Variants in PDIA3 observed in about 807,000 individuals in gnomAD.
PDIA3 encodes protein disulfide isomerase family A member 3.
A neutral mutation model predicts 56.9 loss-of-function variants in PDIA3; 16 were observed. That is an observed-to-expected ratio of 0.28 (90% confidence interval 0.19 to 0.43). The LOEUF is 0.43. Ranked by LOEUF, PDIA3 falls within the 20% of genes least tolerant of loss-of-function variation. The pLI is 1.00. For missense variants in PDIA3, 485 were observed against 621.3 expected (o/e 0.78, Z 2.33); for synonymous variants, 192 against 216.5 (o/e 0.89, Z 0.99).
chr15:43,757,171 C>T (rs915233718), intron 3 of PDIA3, among the ~76,000 whole-genome samples: 9 of 152,210 alleles, frequency 5.9e-5, no homozygotes, highest in South Asian at 2.1e-4. Context: ...TGCAGTGGCA[C>T]GTACCTATAG....
intron 3 of PDIA3, among the ~76,000 whole-genome samples, chr15:43,759,068 A>T (rs1252288562): frequency 1.3e-5 from 2 of 152,156 alleles, no homozygotes; most frequent in Non-Finnish European, 2.9e-5. Flanking sequence ...AGGCAGGCGG[A>T]TCACAAGGTC....
intron 9 of PDIA3, among the ~76,000 whole-genome samples, 199 bp downstream of exon 9, chr15:43,768,796 G>T (rs1460873612): frequency 2.0e-5 from 3 of 151,938 alleles, no homozygotes; most frequent in African/African-American, 7.3e-5. Flanking sequence ...GGCAAAGGCG[G>T]GCACATCACA....
chr15:43,773,153 A>G lies in PDIA3; in HGVS notation c.*1935A>G, dbSNP rs765811648. 1 of 1,613,472 alleles carries G rather than the reference A, an allele frequency of 6.2e-7. No individual in the cohort carries two copies. The highest frequency in any genetic ancestry group is 1.1e-5 in the South Asian group (1 of 90,962). ...GTTCTTTTCCTCAAACTCCAGGATG[A>G]GACCTTTAATGTGGGACAATTTCTG... On this transcript the variant is annotated 3_prime_UTR_variant, in exon 13 of 13. Coordinates refer to ENST00000300289, the MANE Select transcript of PDIA3 (RefSeq NM_005313.5).
At chr15:43,758,565 G>A (rs1165488847) in intron 3 of PDIA3, among the ~76,000 whole-genome samples, 1 of 151,906 alleles carries the variant, frequency 6.6e-6, no homozygotes, top group Non-Finnish European at 1.5e-5. Context: ...GGCTGAGGCA[G>A]GAGGATCACT....
chr15:43,771,243 A>AGCC lies in PDIA3; in HGVS notation c.*25_*26insGCC. 7.0e-7 allele frequency: 1 copy of AGCC among 1,431,146 alleles called. No homozygotes were observed. Among genetic ancestry groups the AGCC allele is most frequent in the Non-Finnish European group, 9.8e-7 (1 of 1,018,980 alleles). The allele number at this position is 1,431,146 out of a possible 1,614,324, so 88.7% of individuals were successfully genotyped here. A position where few individuals can be genotyped will look rare whatever the true frequency, so the allele number is the denominator to read the frequency against. The stretch of plus-strand genomic sequence containing the variant: ...AAGCAGTAGCCAAACACCACTTTGT[A>AGCC]AAAGGACTCTTCCATCAGAGATGGG... On this transcript the variant is annotated 3_prime_UTR_variant, in exon 13 of 13. Transcript: ENST00000300289.
intron 5 of PDIA3, among the ~76,000 whole-genome samples, chr15:43,764,419 A>G (rs760668519): frequency 6.6e-6 from 1 of 152,174 alleles, no homozygotes; most frequent in Non-Finnish European, 1.5e-5. Flanking sequence ...AAATGTAAAC[A>G]ATAGTCACTA....
chr15:43,751,104 C>T (rs994320732), intron 1 of PDIA3, among the ~76,000 whole-genome samples: 5 of 149,846 alleles, frequency 3.3e-5, no homozygotes, highest in East Asian at 3.9e-4. Context: ...TGGACTCCAG[C>T]CTGAGTGACA....
intron 1 of PDIA3, among the ~76,000 whole-genome samples, chr15:43,748,289 C>G (rs1427516009): frequency 1.4e-5 from 1 of 73,650 alleles, no homozygotes; most frequent in Non-Finnish European, 2.9e-5. Flanking sequence ...ACCAGTCTGA[C>G]CATCATGGAG....
At chr15:43,766,134 T>TA (rs34486889) in intron 7 of PDIA3, 122 bp downstream of exon 7, 24,726 of 336,698 alleles carry the variant, frequency 0.073, 46 homozygotes, top group Middle Eastern at 0.086. Context: ...TAAGAAGAGG[T>TA]AAAAAAAAAA....
At position 43,766,794 on chromosome 15, in the gene PDIA3, C is replaced by T; in HGVS notation, c.912C>T (p.Arg304=). Reference sequence around the variant, plus strand: ...AACTCAACTTTGCTGTAGCTAGCCGCAAAACCTTTAGCCATGAACTTTCTG... The same window carrying T: ...AACTCAACTTTGCTGTAGCTAGCCGTAAAACCTTTAGCCATGAACTTTCTG... ...GHKLNFAVAS[R]KTFSHELSDF... is the part of the protein sequence containing the mutation. Residue 304 remains arginine, a synonymous_variant, in exon 8 of 13, where the codon CGC becomes CGT. Transcript: ENST00000300289. 6.2e-7 allele frequency: 1 copy of T among 1,613,586 alleles called. No homozygotes were observed. Among genetic ancestry groups the T allele is most frequent in the Non-Finnish European group, 8.5e-7 (1 of 1,179,494 alleles).
At chr15:43,762,691 C>CA (rs2086824469) in intron 4 of PDIA3, among the ~76,000 whole-genome samples, 1 of 151,962 alleles carries the variant, frequency 6.6e-6, no homozygotes, top group South Asian at 2.1e-4. Flanking sequence ...GTTCTGAAGA[C>CA]AAATATAGAG....
In PDIA3 at chr15:43,769,089, T is replaced by C. The variant is rs573839025; in HGVS notation, c.1138-429T>C. ...TAGGGGCAAGCGTGTAAAGCCTGCGTAGAATTTTCTGATGAAATTTATATT... is the reference window on the plus strand; with the variant it reads ...TAGGGGCAAGCGTGTAAAGCCTGCGCAGAATTTTCTGATGAAATTTATATT... On this transcript the variant is annotated intron_variant, in intron 9 of 12. Transcript: ENST00000300289. Among the ~76,000 whole-genome samples, 5 of 151,898 alleles carry C rather than the reference T, an allele frequency of 3.3e-5. No individual in the cohort carries two copies. In the East Asian group the frequency reaches 9.7e-4, roughly 29 times the overall value.
chr15:43,753,485 T>C (rs952317717), intron 1 of PDIA3, among the ~76,000 whole-genome samples: 7 of 152,168 alleles, frequency 4.6e-5, no homozygotes, highest in African/African-American at 1.7e-4. Context: ...CATTAATTGG[T>C]CAAAAGGGCA....
At chr15:43,769,471 A>T in intron 9 of PDIA3, 47 bp from the exon 10 acceptor site, 1 of 1,591,162 alleles carries the variant, frequency 6.3e-7, no homozygotes, top group Non-Finnish European at 8.6e-7. Context: ...ACAGTTGTGA[A>T]TTTATTTTTT....
At chr15:43,756,566 C>A in intron 2 of PDIA3, 83 bp from the exon 3 acceptor site, 2 of 813,678 alleles carry the variant, frequency 2.5e-6, no homozygotes, top group South Asian at 1.4e-5. Flanking sequence ...TAGGATTTGA[C>A]CAATCCTAGT....
At chr15:43,751,675 G>A in intron 1 of PDIA3, 1 of 1,303,958 alleles carries the variant, frequency 7.7e-7, no homozygotes, top group Non-Finnish European at 1.0e-6. Flanking sequence ...TATTGCCAAA[G>A]TTTAAGGCAG....
chr15:43,750,625 G>A (rs2086737609), intron 1 of PDIA3, among the ~76,000 whole-genome samples: 1 of 150,858 alleles, frequency 6.6e-6, no homozygotes, highest in South Asian at 2.1e-4. Flanking sequence ...AATACAAAAA[G>A]TTAGCTGGGC....
chr15:43,763,727 T>C (rs2086831632), intron 5 of PDIA3, among the ~76,000 whole-genome samples: 1 of 151,996 alleles, frequency 6.6e-6, no homozygotes, highest in Non-Finnish European at 1.5e-5. Flanking sequence ...TGTAGAACTA[T>C]ATATGGAGTG....
intron 9 of PDIA3, among the ~76,000 whole-genome samples, 168 bp from the exon 10 acceptor site, chr15:43,769,350 C>T (rs547459335): frequency 1.3e-5 from 2 of 152,258 alleles, no homozygotes; most frequent in East Asian, 3.9e-4. Flanking sequence ...GAGTTGGTAT[C>T]TAGTGAATGA....
Sources: gnomAD v4.1 joint callset for allele counts (sites outside exome capture counted in the v4.1 genomes callset) on GRCh38, gnomAD v4.1.1 for gene constraint, MANE v1.5 for transcripts, NCBI Gene and HGNC (gene_info 2026-07-23, HGNC 2026-07-21) for gene names.